EVL: variants seen among roughly 807,000 people sequenced by gnomAD.
The protein encoded by EVL is ena/VASP-like protein.
In EVL, 21 loss-of-function variants were observed where a neutral mutation model predicts 59.6. That is an observed-to-expected ratio of 0.35 (90% CI 0.25 to 0.51). The LOEUF is 0.51. Ranked by LOEUF, EVL falls within the 20% of genes least tolerant of loss-of-function variation. The pLI, the probability that EVL is intolerant of heterozygous loss-of-function variation, is 0.97. For synonymous variants in EVL, 198 were observed against 203.5 expected (o/e 0.97, Z 0.23); for missense variants, 462 against 546.6 (o/e 0.85, Z 1.54).
intron 1 of EVL, among the ~76,000 whole-genome samples, chr14:100,043,088 C>G (rs1414847664): frequency 6.6e-6 from 1 of 152,096 alleles, no homozygotes; most frequent in East Asian, 1.9e-4. Flanking sequence ...TCACATAGAC[C>G]TGTTCACCAT....
At chr14:100,040,910 T>C (rs1350298209) in intron 1 of EVL, among the ~76,000 whole-genome samples, 2 of 152,196 alleles carry the variant, frequency 1.3e-5, no homozygotes, top group East Asian at 3.8e-4. Context: ...ACATTCCCCC[T>C]GAAAAAGCAT....
intron 4 of EVL, among the ~76,000 whole-genome samples, chr14:100,125,087 CAG>C (rs1382352023): frequency 6.6e-6 from 1 of 150,708 alleles, no homozygotes; most frequent in Non-Finnish European, 1.5e-5. Flanking sequence ...GGACCACACA[CAG>C]ACACAGACAC....
Position 100,123,713 on chromosome 14 carries a change from A to G in EVL, c.422+111A>G, listed in dbSNP as rs1461603073. On this transcript the variant is annotated intron_variant, in intron 4 of 13. Coordinates refer to ENST00000392920, the MANE Select transcript of EVL (RefSeq NM_016337.3). The stretch of plus-strand genomic sequence containing the variant: ...CAGCAGCCAAGGCCAGGACTCCTAG[A>G]GGCATACACTGCGGGAGGGTGCAAG... 11 of 1,102,738 alleles carry G rather than the reference A, an allele frequency of 1.0e-5. No homozygotes were observed. The East Asian group carries it at 2.3e-4, about 23-fold the overall frequency. 68.3% of individuals were successfully genotyped at this position (1,102,738 alleles called of 1,614,324 possible).
chr14:99,998,495 GATAC>G (rs1221493872), intron 1 of EVL, among the ~76,000 whole-genome samples: 2 of 152,056 alleles, frequency 1.3e-5, no homozygotes, highest in Non-Finnish European at 2.9e-5. Context: ...GCTGGGAGGA[GATAC>G]ATACACACAC....
chr14:100,138,721 CTG>C (rs1888966330), intron 11 of EVL: 1 of 152,420 alleles, frequency 6.6e-6, no homozygotes, highest in Non-Finnish European at 1.5e-5. Flanking sequence ...AACAAGGCCA[CTG>C]TGGTCCTGAG....
chr14:100,096,502 T>G (rs1422665997), intron 2 of EVL, among the ~76,000 whole-genome samples: 1 of 152,116 alleles, frequency 6.6e-6, no homozygotes, highest in Non-Finnish European at 1.5e-5. Context: ...CACAACACAC[T>G]GTGAGGGTGC....
intron 11 of EVL, 23 bp downstream of exon 11, chr14:100,137,825 A>G (rs777886214): frequency 2.5e-6 from 4 of 1,612,832 alleles, no homozygotes. Context: ...CCTCCTGCTC[A>G]CATGTCCCCC....
intron 1 of EVL, among the ~76,000 whole-genome samples, chr14:100,073,099 T>G (rs1245852691): frequency 6.6e-6 from 1 of 152,128 alleles, no homozygotes; most frequent in Non-Finnish European, 1.5e-5. Context: ...CTCATTCACC[T>G]GGGTAGGTGT....
At chr14:99,980,143 G>T (rs2060797037) in intron 1 of EVL, among the ~76,000 whole-genome samples, 1 of 152,218 alleles carries the variant, frequency 6.6e-6, no homozygotes, top group African/African-American at 2.4e-5. Flanking sequence ...CCTGGAACCA[G>T]TCTCCTGTGG....
At position 100,097,803 on chromosome 14, in the gene EVL, G is replaced by A. The variant is rs139970395; in HGVS notation, c.358+145G>A. ...GTGTTCTCAGAGAAACCTGCTGCCTGCCTTTAGATTTAGAGATATTAACAA... is the reference window on the plus strand; with the variant it reads ...GTGTTCTCAGAGAAACCTGCTGCCTACCTTTAGATTTAGAGATATTAACAA... On this transcript the variant is annotated intron_variant, in intron 3 of 13. Transcript: ENST00000392920. 311 of 670,812 alleles carry A rather than the reference G, an allele frequency of 4.6e-4. 3 individuals are homozygous for A. In the East Asian group the frequency reaches 8.8e-3, roughly 19 times the overall value. 41.6% of individuals were successfully genotyped at this position (670,812 alleles called of 1,614,324 possible).
At chr14:100,120,965 G>T (rs1887658225) in intron 3 of EVL, among the ~76,000 whole-genome samples, 1 of 152,202 alleles carries the variant, frequency 6.6e-6, no homozygotes, top group Non-Finnish European at 1.5e-5. Flanking sequence ...GGGAGGCAGA[G>T]AGGGAAGAGC....
intron 3 of EVL, among the ~76,000 whole-genome samples, chr14:100,123,150 A>T (rs1459730837): frequency 6.6e-6 from 1 of 152,230 alleles, no homozygotes; most frequent in African/African-American, 2.4e-5. Flanking sequence ...GCTGATTTTA[A>T]TTAGAACATC....
intron 1 of EVL, among the ~76,000 whole-genome samples, chr14:100,081,244 C>T (rs1319680103): frequency 6.6e-6 from 1 of 151,956 alleles, no homozygotes; most frequent in Non-Finnish European, 1.5e-5. Flanking sequence ...GTGAAGATGT[C>T]GAGAAGGCAA....
At chr14:99,989,266 T>C (rs1185763153) in intron 1 of EVL, among the ~76,000 whole-genome samples, 1 of 152,184 alleles carries the variant, frequency 6.6e-6, no homozygotes, top group African/African-American at 2.4e-5. Flanking sequence ...GTGTCTTTTA[T>C]CATTTCTTCT....
Position 100,114,796 on chromosome 14 carries a change from G to C in EVL, c.359-8743G>C, listed in dbSNP as rs1169885396. On this transcript the variant is annotated intron_variant, in intron 3 of 13. Transcript: ENST00000392920. The surrounding 1 kb of genome is among the most constrained non-coding windows in gnomAD (Gnocchi z 5.0). Reference sequence around the variant, plus strand: ...CTCCTTTCACTCCCACCTGCTCCGGGGGTGGGGGTGGGAGTGCTGGATCTT... The same window carrying C: ...CTCCTTTCACTCCCACCTGCTCCGGCGGTGGGGGTGGGAGTGCTGGATCTT... Among the ~76,000 whole-genome samples, 2 of 152,150 alleles carry C rather than the reference G, an allele frequency of 1.3e-5. No individual in the cohort carries two copies. Among genetic ancestry groups the C allele is most frequent in the African/African-American group, 4.8e-5 (2 of 41,436 alleles).
chr14:99,981,931 A>C (rs2060809355), intron 1 of EVL, among the ~76,000 whole-genome samples: 1 of 152,062 alleles, frequency 6.6e-6, no homozygotes, highest in Non-Finnish European at 1.5e-5. Flanking sequence ...TGATGAAGGG[A>C]CTCTTGAGTT....
chr14:100,142,461 C>T (rs1240209313), intron 13 of EVL, among the ~76,000 whole-genome samples: 5 of 152,262 alleles, frequency 3.3e-5, no homozygotes, highest in Non-Finnish European at 5.9e-5. Flanking sequence ...AGTCTAGGGA[C>T]GAGCTATGCA....
rs375445728 is a variant in EVL at position 100,128,597 on chromosome 14, C to T, written c.566C>T (p.Pro189Leu). Residue 189 changes from proline to leucine, a missense_variant, in exon 6 of 14, where the codon CCA becomes CTA. Pro to Leu is a moderately conservative substitution (Grantham distance 98). Transcript: ENST00000392920. ...VSCSGPPPPPPPPVPPPPTGA... is the reference protein window; with the variant it reads ...VSCSGPPPPPLPPVPPPPTGA... Reference sequence around the variant, plus strand: ...TGTAGTGGGCCTCCACCGCCCCCCCCACCCCCAGTCCCACCTCCACCCACT... The same window carrying T: ...TGTAGTGGGCCTCCACCGCCCCCCCTACCCCCAGTCCCACCTCCACCCACT... 7 of 1,508,834 alleles carry T rather than the reference C, an allele frequency of 4.6e-6. No homozygotes were observed. The highest frequency in any genetic ancestry group is 2.8e-5 in the African/African-American group (2 of 71,946). The allele number at this position is 1,508,834 out of a possible 1,614,324, so 93.5% of individuals were successfully genotyped here. A position where few individuals can be genotyped will look rare whatever the true frequency, so the allele number is the denominator to read the frequency against.
chr14:100,013,139 C>T (rs556940566), intron 1 of EVL, among the ~76,000 whole-genome samples: 3 of 151,972 alleles, frequency 2.0e-5, no homozygotes, highest in Non-Finnish European at 4.4e-5. Context: ...GGGAGTTAAA[C>T]CCCTCAGGCC....
Sources: gnomAD v4.1 joint callset for allele counts (sites outside exome capture counted in the v4.1 genomes callset) on GRCh38, gnomAD v4.1.1 for gene constraint, Gnocchi (gnomAD v3.1) non-coding constraint, MANE v1.5 for transcripts, NCBI Gene and HGNC (gene_info 2026-07-23, HGNC 2026-07-21) for gene names.